Variants in PCDHA3 observed in about 807,000 individuals in gnomAD.
PCDHA3 encodes the protein protocadherin alpha-3.
PCDHA3 carries 41 observed loss-of-function variants against 62.2 expected under a neutral mutation model. The ratio of observed to expected loss-of-function variants is 0.66; its 90% confidence interval spans 0.51 to 0.86. The LOEUF is 0.86. Ranked by LOEUF, PCDHA3 falls within the 40% of genes least tolerant of loss-of-function variation. The pLI is 0.00. For missense variants in PCDHA3, 1,304 were observed against 1,241.2 expected (o/e 1.05, Z -0.76); for synonymous variants, 640 against 555.4 (o/e 1.15, Z -2.14).
At chr5:140,976,310 G>A (rs1216220776) in intron 1 of PCDHA3, among the ~76,000 whole-genome samples, 1 of 152,036 alleles carries the variant, frequency 6.6e-6, no homozygotes, top group African/African-American at 2.4e-5. Context: ...CAGCACTTTG[G>A]GAGGCCGAGG....
At position 140,801,819 on chromosome 5, in the gene PCDHA3, C is replaced by T. The variant is rs782046235; in HGVS notation, c.622C>T (p.His208Tyr). Residue 208 changes from histidine to tyrosine, a missense_variant, in exon 1 of 4, where the codon CAT becomes TAT. Coordinates refer to ENST00000522353, the MANE Select transcript of PCDHA3 (RefSeq NM_018906.3). ...KNLNREDTPKHYLLITAIDGG... is the reference protein window; with the variant it reads ...KNLNREDTPKYYLLITAIDGG... Reference sequence around the variant, plus strand: ...TTTAAATCGAGAGGACACTCCTAAGCATTATTTACTAATAACAGCAATTGA... The same window carrying T: ...TTTAAATCGAGAGGACACTCCTAAGTATTATTTACTAATAACAGCAATTGA... The T allele has an allele frequency of 1.1e-5, 17 of 1,614,088 alleles. No individual in the cohort carries two copies. The highest frequency in any genetic ancestry group is 1.7e-5 in the Admixed American group (1 of 60,024).
rs148906083 is a variant in PCDHA3, at chr5:140,906,715, A to C, written c.2395-72234A>C. ...CTGGGCCATTTGTAGTCCTGCCTGG[A>C]TTGTGCTGTTGTAGTTTCCCATTGA... On this transcript the variant is annotated intron_variant, in intron 1 of 3. Transcript: ENST00000522353. Among the ~76,000 whole-genome samples, 692 of 152,238 alleles carry C rather than the reference A, an allele frequency of 4.5e-3. 12 individuals carry two copies. The highest frequency in any genetic ancestry group is 0.027 in the Middle Eastern group (8 of 294).
intron 1 of PCDHA3, chr5:140,863,139 G>A (rs1554157817): frequency 3.3e-6 from 2 of 605,396 alleles, no homozygotes; most frequent in African/African-American, 3.7e-5. Flanking sequence ...GCCTGCTGGT[G>A]CTGGTGAAGG....
In PCDHA3 at chr5:141,009,718, A is replaced by G. The variant is rs2098413942; in HGVS notation, c.2634A>G (p.Gln878=). Residue 878 remains glutamine, a synonymous_variant, in exon 4 of 4, where the codon CAA becomes CAG. Transcript: ENST00000522353. ...TFKYGPGNPK[Q]SGPGELPDKF... ...AATACGGACCAGGCAACCCCAAACA[A>G]TCCGGTCCCGGTGAGTTGCCCGACA... The G allele has an allele frequency of 1.2e-6, 2 of 1,614,044 alleles. No homozygotes were observed. The highest frequency in any genetic ancestry group is 1.1e-5 in the South Asian group (1 of 91,052).
intron 1 of PCDHA3, chr5:140,870,128 C>T: frequency 6.2e-7 from 1 of 1,613,948 alleles, no homozygotes; most frequent in Non-Finnish European, 8.5e-7. Flanking sequence ...ATCTTGGACA[C>T]CAACGATAAC....
At chr5:140,876,602 G>C (rs572945874) in intron 1 of PCDHA3, 2 of 1,614,180 alleles carry the variant, frequency 1.2e-6, no homozygotes, top group Non-Finnish European at 1.7e-6. Flanking sequence ...GTGTCGGATC[G>C]TGACTCTGGA....
At chr5:140,860,913 A>G (rs1423371903) in intron 1 of PCDHA3, 5 of 152,086 alleles carry the variant, frequency 3.3e-5, no homozygotes, top group African/African-American at 9.7e-5. Flanking sequence ...AATTTTTTGT[A>G]TTTTTAGTAG....
chr5:140,929,414 A>C, intron 1 of PCDHA3: 1 of 1,504,422 alleles, frequency 6.6e-7, no homozygotes. Flanking sequence ...GCCTTTCACA[A>C]CATTTCATCA....
chr5:140,820,280 A>T (rs188289585), intron 1 of PCDHA3, among the ~76,000 whole-genome samples: 5 of 152,118 alleles, frequency 3.3e-5, no homozygotes, highest in African/African-American at 1.2e-4. Flanking sequence ...ATCTTTAAAG[A>T]TTGTATCAGA....
At chr5:140,996,795 C>G (rs1554255407) in intron 3 of PCDHA3, among the ~76,000 whole-genome samples, 1 of 152,170 alleles carries the variant, frequency 6.6e-6, no homozygotes, top group East Asian at 1.9e-4. Flanking sequence ...CTCCCTACAT[C>G]CAATCATGCT....
chr5:140,911,672 C>G (rs1010402307), intron 1 of PCDHA3, among the ~76,000 whole-genome samples: 1 of 152,156 alleles, frequency 6.6e-6, no homozygotes, highest in Non-Finnish European at 1.5e-5. Context: ...TTGCCTCTCA[C>G]GAACCGTGCA....
chr5:140,825,260 A>G (rs1768492888), intron 1 of PCDHA3: 1 of 151,070 alleles, frequency 6.6e-6, no homozygotes, highest in African/African-American at 2.4e-5. Flanking sequence ...TTGTGTAGGT[A>G]TGTGATTGGT....
intron 1 of PCDHA3, chr5:140,842,982 T>C (rs2150349122): frequency 6.3e-7 from 1 of 1,594,948 alleles, no homozygotes; most frequent in Non-Finnish European, 8.6e-7. Context: ...CTGCAGGTGT[T>C]CGTGCTGGAC....
At chr5:140,933,513 G>A (rs2089204044) in intron 1 of PCDHA3, among the ~76,000 whole-genome samples, 1 of 152,012 alleles carries the variant, frequency 6.6e-6, no homozygotes, top group African/African-American at 2.4e-5. Context: ...AAAGACTACA[G>A]CTGTTTTGTT....
rs2150157115 is a variant in PCDHA3, at chr5:140,828,583, A to G, written c.2394+24992A>G. 8.7e-6 allele frequency: 14 copies of G among 1,614,126 alleles called. No individual in the cohort carries two copies. In the Admixed American group the frequency reaches 2.3e-4, roughly 27 times the overall value. ...GCGCGTCCGATGCAGATGTTGGCTC[A>G]AATTCCATCTTAACCTATAAACTCA... On this transcript the variant is annotated intron_variant, in intron 1 of 3. Transcript: ENST00000522353.
chr5:140,933,211 CTG>C (rs1491057503), intron 1 of PCDHA3, among the ~76,000 whole-genome samples: 2 of 151,532 alleles, frequency 1.3e-5, no homozygotes, highest in Non-Finnish European at 3.0e-5. Context: ...AATTACATGT[CTG>C]TTATATTGCA....
Position 140,803,314 on chromosome 5 carries a change from C to T in PCDHA3, c.2117C>T (p.Ala706Val), listed in dbSNP as rs782516303. 4 of 1,614,140 alleles carry T rather than the reference C, an allele frequency of 2.5e-6. No homozygotes were observed. The highest frequency in any genetic ancestry group is 3.4e-6 in the Non-Finnish European group (4 of 1,180,002). Reference protein sequence around the residue: ...VNVYLIVAICAVSSLLVLTLL... With the variant: ...VNVYLIVAICVVSSLLVLTLL... ...GTGTACTTGATCGTCGCCATCTGCG[C>T]GGTGTCCAGTCTGTTGGTGCTCACA... Residue 706 changes from alanine to valine, a missense_variant, in exon 1 of 4, where the codon GCG (alanine) becomes GTG (valine). Transcript: ENST00000522353.
chr5:140,849,081 T>G (rs2040772386), intron 1 of PCDHA3: 2 of 1,516,686 alleles, frequency 1.3e-6, no homozygotes. Context: ...TGGACTTGTA[T>G]TACGGAAACT....
chr5:140,937,911 C>CAA lies in PCDHA3; in HGVS notation c.2395-41023_2395-41022dup, dbSNP rs200797202. On this transcript the variant is annotated intron_variant, in intron 1 of 3. Transcript: ENST00000522353. Reference sequence around the variant, plus strand: ...TGGGCGACAGAGTGAGACTCCGTCTCAAAAAAAAAAAAAAAAGTTTAATTT... The same window carrying CAA: ...TGGGCGACAGAGTGAGACTCCGTCTCAAAAAAAAAAAAAAAAAAGTTTAATTT... Among the ~76,000 whole-genome samples, 8 of 117,946 alleles carry CAA rather than the reference C, an allele frequency of 6.8e-5. No individual in the cohort carries two copies. In the East Asian group the frequency reaches 1.1e-3, roughly 17 times the overall value. The allele number at this position is 117,946 out of a possible 152,430, so 77.4% of individuals were successfully genotyped here.
Sources: allele counts gnomAD v4.1 joint callset (sites outside exome capture counted in the v4.1 genomes callset), GRCh38; gene constraint gnomAD v4.1.1; transcripts MANE v1.5; gene names NCBI Gene and HGNC (gene_info 2026-07-23, HGNC 2026-07-21).